DYNC1LI1: variants seen among roughly 807,000 people sequenced by gnomAD.
DYNC1LI1 encodes the protein cytoplasmic dynein 1 light intermediate chain 1.
Under a neutral mutation model 63.8 loss-of-function variants are expected in DYNC1LI1, and 19 were observed. The observed-to-expected ratio is 0.30, with a 90% CI of 0.21 to 0.44. DYNC1LI1 has a LOEUF of 0.44. DYNC1LI1 is among the 20% of genes least tolerant of loss of function. The probability of loss-of-function intolerance (pLI) is 1.00; values close to 1 mark genes in which losing one functional copy is unlikely to be tolerated. For missense variants in DYNC1LI1, 565 were observed against 630.2 expected (o/e 0.90, Z 1.11); for synonymous variants, 225 against 232.3 (o/e 0.97, Z 0.28).
intron 5 of DYNC1LI1, among the ~76,000 whole-genome samples, chr3:32,538,691 G>T (rs935084057): frequency 6.6e-6 from 1 of 151,124 alleles, no homozygotes; most frequent in Non-Finnish European, 1.5e-5. Flanking sequence ...ACAGTGCAAG[G>T]CTCCATATAA....
intron 2 of DYNC1LI1, chr3:32,566,826 G>A: frequency 3.2e-6 from 1 of 314,972 alleles, no homozygotes; most frequent in Admixed American, 4.0e-5. Flanking sequence ...TGAAAATGCA[G>A]TTCTTAAAAA....
intron 8 of DYNC1LI1, chr3:32,531,878 T>C (rs901496477): frequency 3.3e-5 from 5 of 152,196 alleles, no homozygotes; most frequent in African/African-American, 7.2e-5. Flanking sequence ...GTGTTTCAGA[T>C]TGCTGAATAT....
chr3:32,559,114 C>A (rs887700761), intron 2 of DYNC1LI1, among the ~76,000 whole-genome samples: 1 of 149,034 alleles, frequency 6.7e-6, no homozygotes. Context: ...TCTTGAACTT[C>A]TGGGCTCCAG....
chr3:32,568,309 C>T (rs9817806), intron 2 of DYNC1LI1, among the ~76,000 whole-genome samples: 3,280 of 152,200 alleles, frequency 0.022, 128 homozygotes, highest in African/African-American at 0.074. Flanking sequence ...CCATATGTGA[C>T]GGTGAAATGT....
chr3:32,546,487 C>A (rs970171375), intron 2 of DYNC1LI1, among the ~76,000 whole-genome samples: 3 of 152,124 alleles, frequency 2.0e-5, no homozygotes, highest in African/African-American at 7.2e-5. Flanking sequence ...CTTGTCCTAT[C>A]CTATTGCAAA....
Position 32,570,673 on chromosome 3 carries a change from C to T in DYNC1LI1, c.98G>A (p.Gly33Asp), listed in dbSNP as rs1159265856. 3 of 1,603,992 alleles carry T rather than the reference C, an allele frequency of 1.9e-6. No individual in the cohort carries two copies. Among genetic ancestry groups the T allele is most frequent in the Non-Finnish European group, 8.5e-7 (1 of 1,175,590 alleles). The change falls in exon 1 of 13, where the codon GGC (glycine) becomes GAC (aspartate). Residue 33 changes from glycine to aspartate, a missense_variant. Transcript: ENST00000273130. Reference sequence around the variant, plus strand: ...GTCGCCTGCCGCGGCGCCACCGTTGCCCGACGCTATCTCGTTGCCCAAGGG... The same window carrying T: ...GTCGCCTGCCGCGGCGCCACCGTTGTCCGACGCTATCTCGTTGCCCAAGGG... ...GGPLGNEIAS[G>D]NGGAAAGDDE...
chr3:32,569,956 A>C (rs568785612), intron 2 of DYNC1LI1, among the ~76,000 whole-genome samples: 26 of 152,372 alleles, frequency 1.7e-4, no homozygotes, highest in African/African-American at 6.3e-4. Flanking sequence ...TATTAATGGC[A>C]TGCCATTTGC....
intron 12 of DYNC1LI1, 44 bp downstream of exon 12, chr3:32,528,402 A>C (rs781360845): frequency 4.3e-6 from 7 of 1,610,486 alleles, no homozygotes; most frequent in Non-Finnish European, 5.1e-6. Context: ...ATATCTCAAA[A>C]AAGCTGTTAT....
intron 2 of DYNC1LI1, among the ~76,000 whole-genome samples, chr3:32,565,645 C>A (rs534979748): frequency 6.6e-6 from 1 of 152,106 alleles, no homozygotes; most frequent in Non-Finnish European, 1.5e-5. Flanking sequence ...GAGTTTCACT[C>A]GTCACCCAGG....
In DYNC1LI1 at chr3:32,530,530, G is replaced by A; in HGVS notation, c.1081-10C>T. 1.2e-6 allele frequency: 2 copies of A among 1,610,412 alleles called. No individual in the cohort carries two copies. Among genetic ancestry groups the A allele is most frequent in the South Asian group, 2.2e-5 (2 of 91,008 alleles). ...CCTTCTCATGTACAAACTGAAATGA[G>A]CAATGCACAAATGAGCAAATTTAAT... On this transcript the variant is annotated splice_polypyrimidine_tract_variant and intron_variant, in intron 8 of 12. Coordinates refer to ENST00000273130, the MANE Select transcript of DYNC1LI1 (RefSeq NM_016141.4).
intron 2 of DYNC1LI1, among the ~76,000 whole-genome samples, chr3:32,550,135 A>G (rs1698013094): frequency 6.6e-6 from 1 of 152,216 alleles, no homozygotes; most frequent in African/African-American, 2.4e-5. Context: ...AATTCATGAC[A>G]TCAAAAATAC....
At chr3:32,552,105 T>C (rs1052773576) in intron 2 of DYNC1LI1, among the ~76,000 whole-genome samples, 1 of 152,186 alleles carries the variant, frequency 6.6e-6, no homozygotes, top group East Asian at 1.9e-4. Flanking sequence ...TAATATAAGA[T>C]TCCAACCTCA....
At position 32,567,796 on chromosome 3, in the gene DYNC1LI1, C is replaced by T. The variant is rs1475529504; in HGVS notation, c.220+2550G>A. On this transcript the variant is annotated intron_variant, in intron 2 of 12. Transcript: ENST00000273130. Reference sequence around the variant, plus strand: ...TTGGCTCACTGCAACCTCCGCCTCCCGGGCTCAAGCAATTCTCCTGCCTCA... The same window carrying T: ...TTGGCTCACTGCAACCTCCGCCTCCTGGGCTCAAGCAATTCTCCTGCCTCA... Among the ~76,000 whole-genome samples the T allele has an allele frequency of 3.3e-5, 5 of 151,604 alleles. No individual in the cohort carries two copies. The East Asian group carries it at 5.8e-4, about 18-fold the overall frequency.
intron 7 of DYNC1LI1, among the ~76,000 whole-genome samples, chr3:32,533,748 G>A (rs1697735803): frequency 6.6e-6 from 1 of 151,668 alleles, no homozygotes; most frequent in Non-Finnish European, 1.5e-5. Context: ...TACTGGTAGA[G>A]ATGGGGTCTC....
Position 32,530,296 on chromosome 3 carries a change from A to G in DYNC1LI1, c.1173T>C (p.Ala391=), listed in dbSNP as rs1358763824. The G allele has an allele frequency of 6.2e-7, 1 of 1,609,332 alleles. No individual in the cohort carries two copies. Among genetic ancestry groups the G allele is most frequent in the South Asian group, 1.1e-5 (1 of 89,842 alleles). The change falls in exon 10 of 13, where the codon GCT becomes GCC. Residue 391 remains alanine (A), a synonymous_variant. Transcript: ENST00000273130. The part of the protein sequence containing the change: ...SLLAKQPPTA[A]GRPVDASPRV... ...TTGTAATACTGACCACAGGCCTTCC[A>G]GCTGCAGTTGGTGGTTGCTTTGCTA...
chr3:32,545,871 A>G lies in DYNC1LI1; in HGVS notation c.315T>C (p.Asn105=). 6.2e-7 allele frequency: 1 copy of G among 1,610,090 alleles called. No individual in the cohort carries two copies. The highest frequency in any genetic ancestry group is 8.5e-7 in the Non-Finnish European group (1 of 1,176,616). The change falls in exon 3 of 13, where the codon AAT becomes AAC. Residue 105 remains asparagine, a synonymous_variant. Coordinates refer to ENST00000273130, the MANE Select transcript of DYNC1LI1 (RefSeq NM_016141.4). ...CACCATCCCTGTCTTCATCATGCAC[A>G]TTTAAGTACAAATATTCCAATCCTC... ...KGRGLEYLYL[N]VHDEDRDDQT... is the part of the protein sequence containing the mutation.
Position 32,526,889 on chromosome 3 carries a change from A to G in DYNC1LI1, c.1482T>C (p.Asp494=). The part of the protein sequence containing the change: ...TKKSGQKPVL[D]VHAELDRITR... Reference sequence around the variant, plus strand: ...TAATTCTGTCTAGTTCTGCATGAACATCTAAGACAGGCTTCTGGCCTACAT... The same window carrying G: ...TAATTCTGTCTAGTTCTGCATGAACGTCTAAGACAGGCTTCTGGCCTACAT... The change falls in exon 13 of 13, where the codon GAT becomes GAC. Residue 494 remains aspartate (D), a synonymous_variant. Coordinates refer to ENST00000273130, the MANE Select transcript of DYNC1LI1 (RefSeq NM_016141.4). 6.2e-7 allele frequency: 1 copy of G among 1,613,856 alleles called. No individual in the cohort carries two copies. The highest frequency in any genetic ancestry group is 8.5e-7 in the Non-Finnish European group (1 of 1,179,742).
Position 32,530,281 on chromosome 3 carries a change from G to A in DYNC1LI1, c.1185+3C>T. 1.9e-6 allele frequency: 3 copies of A among 1,598,882 alleles called. No homozygotes were observed. Among genetic ancestry groups the A allele is most frequent in the South Asian group, 2.3e-5 (2 of 88,226 alleles). On this transcript the variant is annotated splice_donor_region_variant and intron_variant, in intron 10 of 12. Coordinates refer to ENST00000273130, the MANE Select transcript of DYNC1LI1 (RefSeq NM_016141.4). Reference sequence around the variant, plus strand: ...TCATTTTGTCAAAATTTGTAATACTGACCACAGGCCTTCCAGCTGCAGTTG... The same window carrying A: ...TCATTTTGTCAAAATTTGTAATACTAACCACAGGCCTTCCAGCTGCAGTTG...
At chr3:32,564,888 T>C (rs1698238552) in intron 2 of DYNC1LI1, among the ~76,000 whole-genome samples, 1 of 152,216 alleles carries the variant, frequency 6.6e-6, no homozygotes, top group South Asian at 2.1e-4. Context: ...CCTTGCCAGT[T>C]ACAAGTTACT....
Sources: allele counts gnomAD v4.1 joint callset (sites outside exome capture counted in the v4.1 genomes callset), GRCh38; gene constraint gnomAD v4.1.1; transcripts MANE v1.5; gene names NCBI Gene and HGNC (gene_info 2026-07-23, HGNC 2026-07-21).